The following PRKAR1B variants were observed in gnomAD, a reference collection of about 807,000 sequenced individuals.
PRKAR1B encodes cAMP-dependent protein kinase type I-beta regulatory subunit.
Under a neutral mutation model 46.5 loss-of-function variants are expected in PRKAR1B, and 22 were observed. That is an observed-to-expected ratio of 0.47 (90% CI 0.34 to 0.68). The LOEUF is 0.68. Ranked by LOEUF, PRKAR1B falls within the 30% of genes least tolerant of loss-of-function variation. PRKAR1B has a pLI of 0.01. For missense variants in PRKAR1B, 445 were observed against 535.6 expected, an observed-to-expected ratio of 0.83 and a Z score of 1.67; for synonymous variants, 259 against 217.7, an observed-to-expected ratio of 1.19 and a Z score of -1.67.
chr7:691,675 G>C (rs1779435390), intron 2 of PRKAR1B: 3 of 1,291,486 alleles, frequency 2.3e-6, no homozygotes, highest in Non-Finnish European at 3.0e-6. Context: ...TGGAAACCCA[G>C]TGCTGTGACC....
intron 6 of PRKAR1B, 34 bp downstream of exon 6, chr7:606,159 C>T (rs769133087): frequency 1.1e-5 from 17 of 1,611,324 alleles, no homozygotes; most frequent in East Asian, 4.5e-5. Flanking sequence ...TGCAAAGACG[C>T]GCTATTTTCC....
chr7:717,790 T>C (rs1780931525), intron 1 of PRKAR1B, among the ~76,000 whole-genome samples: 1 of 152,202 alleles, frequency 6.6e-6, no homozygotes, highest in Admixed American at 6.5e-5. Flanking sequence ...ACATGGCTCC[T>C]GGGTGTGGCA....
At chr7:635,042 C>T (rs1396427116) in intron 4 of PRKAR1B, among the ~76,000 whole-genome samples, 5 of 152,192 alleles carry the variant, frequency 3.3e-5, no homozygotes, top group Admixed American at 3.3e-4. Flanking sequence ...CAAATACGTC[C>T]CAAAATGCTG....
intron 8 of PRKAR1B, among the ~76,000 whole-genome samples, chr7:583,561 C>T (rs1583246163): frequency 1.8e-5 from 1 of 56,368 alleles, no homozygotes; most frequent in Non-Finnish European, 3.8e-5. Context: ...CACATGCGTG[C>T]ACACCCATGC....
intron 7 of PRKAR1B, among the ~76,000 whole-genome samples, chr7:586,347 T>C (rs1462667526): frequency 1.3e-5 from 2 of 151,652 alleles, no homozygotes; most frequent in African/African-American, 4.9e-5. Context: ...AAGACCACGA[T>C]GAATAGGGCT....
chr7:561,021 C>T (rs531287049), intron 9 of PRKAR1B, among the ~76,000 whole-genome samples: 18 of 152,280 alleles, frequency 1.2e-4, no homozygotes, highest in African/African-American at 3.6e-4. Context: ...TACACACACA[C>T]GTGTGAACAC....
chr7:605,289 G>T (rs149064416), intron 6 of PRKAR1B, among the ~76,000 whole-genome samples: 80 of 152,334 alleles, frequency 5.3e-4, no homozygotes, highest in East Asian at 1.9e-3. Context: ...CAAACTCCTA[G>T]CGGGCGTTTT....
At chr7:637,234 A>C (rs779803846) in intron 4 of PRKAR1B, among the ~76,000 whole-genome samples, 1 of 152,098 alleles carries the variant, frequency 6.6e-6, no homozygotes, top group Non-Finnish European at 1.5e-5. Context: ...TCTAGCCTAC[A>C]TGGTGAAATC....
chr7:668,784 T>C (rs1786068724), intron 4 of PRKAR1B, among the ~76,000 whole-genome samples: 1 of 152,044 alleles, frequency 6.6e-6, no homozygotes, highest in Admixed American at 6.6e-5. Context: ...AATAAGAGCT[T>C]TACTGAACCT....
At chr7:677,642 G>A (rs530213941) in intron 3 of PRKAR1B, among the ~76,000 whole-genome samples, 2 of 152,144 alleles carry the variant, frequency 1.3e-5, no homozygotes, top group South Asian at 4.2e-4. Flanking sequence ...GCCCAGGCTG[G>A]TCTCAAACAT....
chr7:709,110 A>T (rs1450996954), intron 2 of PRKAR1B, among the ~76,000 whole-genome samples: 9 of 8,138 alleles, frequency 1.1e-3, no homozygotes, highest in Non-Finnish European at 1.6e-3. Flanking sequence ...TTTAATACTA[A>T]AAAAAAAAAA....
chr7:656,380 A>G (rs111064738), intron 4 of PRKAR1B, among the ~76,000 whole-genome samples: 21,761 of 152,206 alleles, frequency 0.14, 1,639 homozygotes, highest in South Asian at 0.29. Flanking sequence ...TGGATGACTG[A>G]CTAGATGAAT....
chr7:706,460 A>G (rs74938691), intron 2 of PRKAR1B, among the ~76,000 whole-genome samples: 57,193 of 130,356 alleles, frequency 0.44, 12,734 homozygotes, highest in Non-Finnish European at 0.46. Flanking sequence ...GTCTCGCTCT[A>G]TCACCCAGGC....
At chr7:691,695 CAA>C (rs1444646162) in intron 2 of PRKAR1B, 2 of 1,274,200 alleles carry the variant, frequency 1.6e-6, no homozygotes, top group Non-Finnish European at 1.0e-6. Flanking sequence ...CTCACACGGT[CAA>C]AAGCAGCTCC....
rs369792456 is a variant in PRKAR1B at position 598,203 on chromosome 7, G to A, written c.550-1899C>T. Among the ~76,000 whole-genome samples the A allele has an allele frequency of 2.5e-3, 254 of 102,332 alleles. 1 individual carries two copies. Among genetic ancestry groups the A allele is most frequent in the Middle Eastern group, 0.011 (2 of 180 alleles). 67.1% of individuals were successfully genotyped at this position (102,332 alleles called of 152,430 possible). A position where few individuals can be genotyped will look rare whatever the true frequency, so the allele number is the denominator to read the frequency against. ...CATCACCCTCCCTCCAGCACCCTCC[G>A]CACTAAACACCATCACCCTCCAGCA... On this transcript the variant is annotated intron_variant, in intron 6 of 10. Coordinates refer to ENST00000537384, the MANE Select transcript of PRKAR1B (RefSeq NM_001164760.2).
At chr7:689,004 A>G (rs544165716) in intron 2 of PRKAR1B, among the ~76,000 whole-genome samples, 11 of 152,378 alleles carry the variant, frequency 7.2e-5, no homozygotes, top group Non-Finnish European at 1.5e-4. Flanking sequence ...AGATCCCCCC[A>G]GGGGAAGCAA....
intron 1 of PRKAR1B, among the ~76,000 whole-genome samples, chr7:724,839 C>T (rs898518089): frequency 6.6e-6 from 1 of 152,200 alleles, no homozygotes; most frequent in African/African-American, 2.4e-5. Flanking sequence ...CCACATGTTG[C>T]AGACAGTGCC....
chr7:642,908 C>T (rs1231771986), intron 4 of PRKAR1B, among the ~76,000 whole-genome samples: 1 of 151,298 alleles, frequency 6.6e-6, no homozygotes, highest in Non-Finnish European at 1.5e-5. Context: ...TTCAAATCCC[C>T]GTCCCGCCAC....
intron 4 of PRKAR1B, among the ~76,000 whole-genome samples, chr7:640,593 T>A (rs909950314): frequency 6.6e-6 from 1 of 151,968 alleles, no homozygotes; most frequent in African/African-American, 2.4e-5. Context: ...TGAAACCCCA[T>A]CTCTACTAAA....
Sources: gnomAD v4.1 joint callset for allele counts (sites outside exome capture counted in the v4.1 genomes callset) on GRCh38, gnomAD v4.1.1 for gene constraint, MANE v1.5 for transcripts, NCBI Gene and HGNC (gene_info 2026-07-23, HGNC 2026-07-21) for gene names.